The following TCF12 variants were observed in gnomAD, a reference collection of about 807,000 sequenced individuals.
The protein encoded by TCF12 is DNA-binding protein HTF4.
A neutral mutation model predicts 86.0 loss-of-function variants in TCF12; 45 were observed. The observed-to-expected ratio is 0.52, with a 90% CI of 0.41 to 0.67. TCF12 has a LOEUF of 0.67. TCF12 is among the 30% of genes least tolerant of loss of function. TCF12 has a pLI of 0.00. For missense variants in TCF12, 881 were observed against 859.9 expected, an observed-to-expected ratio of 1.02 and a Z score of -0.31; for synonymous variants, 330 against 299.6, an observed-to-expected ratio of 1.10 and a Z score of -1.05.
intron 4 of TCF12, among the ~76,000 whole-genome samples, chr15:57,086,153 A>G (rs1323917783): frequency 1.3e-5 from 2 of 151,166 alleles, no homozygotes; most frequent in Non-Finnish European, 1.5e-5. Flanking sequence ...AAAAGAAAAA[A>G]AATAGGGTCC....
chr15:57,193,489 A>G (rs1354686716), intron 7 of TCF12, among the ~76,000 whole-genome samples: 17 of 152,226 alleles, frequency 1.1e-4, no homozygotes, highest in African/African-American at 4.1e-4. Flanking sequence ...TGCTTACAGC[A>G]AGCCTTAGGT....
chr15:56,929,391 T>C (rs959355752), intron 3 of TCF12, among the ~76,000 whole-genome samples: 11 of 152,242 alleles, frequency 7.2e-5, no homozygotes, highest in African/African-American at 1.4e-4. Context: ...ATGACTGTTA[T>C]TTGAAACTTT....
intron 3 of TCF12, among the ~76,000 whole-genome samples, chr15:56,949,670 C>A (rs1044568841): frequency 2.0e-5 from 3 of 152,140 alleles, no homozygotes; most frequent in Non-Finnish European, 4.4e-5. Flanking sequence ...ATAATTTGTG[C>A]CAGGCTCTGT....
At chr15:56,988,461 G>A (rs1003740362) in intron 3 of TCF12, among the ~76,000 whole-genome samples, 66 of 152,168 alleles carry the variant, frequency 4.3e-4, no homozygotes, top group African/African-American at 1.6e-3. Context: ...TGTCATATAT[G>A]TAGTCTGTTG....
rs1411144456 is a variant in TCF12, at chr15:57,217,270, CTG to C, written c.580-13878_580-13877del. ...ACTGATTAGGTTTGTGCAAAAGTAA[CTG>C]TGTTTTTTTCCATTAAAGAAATTTG... On this transcript the variant is annotated intron_variant, in intron 8 of 20. Coordinates refer to ENST00000333725, the MANE Select transcript of TCF12 (RefSeq NM_207037.2). Among the ~76,000 whole-genome samples the C allele has an allele frequency of 1.1e-4, 17 of 152,028 alleles. No individual in the cohort carries two copies. In the East Asian group the frequency reaches 1.7e-3, roughly 16 times the overall value.
At chr15:57,059,491 T>C (rs1195607797) in intron 3 of TCF12, among the ~76,000 whole-genome samples, 1 of 152,102 alleles carries the variant, frequency 6.6e-6, no homozygotes, top group Non-Finnish European at 1.5e-5. Context: ...ATTTTCCCAT[T>C]TCCTGTCTTA....
chr15:57,170,672 T>TA (rs1470714991), intron 6 of TCF12, among the ~76,000 whole-genome samples: 8 of 8,560 alleles, frequency 9.3e-4, no homozygotes, highest in South Asian at 4.9e-3. Flanking sequence ...TATATATATA[T>TA]ATAATATATT....
chr15:57,218,335 G>T (rs1398016945), intron 8 of TCF12, among the ~76,000 whole-genome samples: 1 of 152,176 alleles, frequency 6.6e-6, no homozygotes, highest in East Asian at 1.9e-4. Flanking sequence ...CACAAAAAGG[G>T]AAAGTTGCTA....
At chr15:57,112,695 CTT>C (rs2050576115) in intron 5 of TCF12, among the ~76,000 whole-genome samples, 1 of 152,110 alleles carries the variant, frequency 6.6e-6, no homozygotes, top group South Asian at 2.1e-4. Flanking sequence ...TATAGTATCT[CTT>C]ATTTTATTGA....
intron 13 of TCF12, 126 bp from the exon 14 acceptor site, chr15:57,251,224 C>T: frequency 1.4e-6 from 1 of 732,392 alleles, no homozygotes; most frequent in South Asian, 1.9e-5. Flanking sequence ...CAATACTATG[C>T]TGAAGGCCAA....
At chr15:57,169,328 ATCAGATATATGAAAG>A (rs1474622739) in intron 6 of TCF12, among the ~76,000 whole-genome samples, 1 of 152,188 alleles carries the variant, frequency 6.6e-6, no homozygotes, top group African/African-American at 2.4e-5. Flanking sequence ...TTGTTTAATT[ATCAGATATATGAAAG>A]TGCTTTTCTC....
At chr15:56,930,807 T>C (rs2060211804) in intron 3 of TCF12, among the ~76,000 whole-genome samples, 1 of 152,120 alleles carries the variant, frequency 6.6e-6, no homozygotes, top group South Asian at 2.1e-4. Flanking sequence ...TCCAAAAAGA[T>C]CTCAACCACA....
chr15:56,935,288 C>T (rs934072960), intron 3 of TCF12, among the ~76,000 whole-genome samples: 7 of 152,030 alleles, frequency 4.6e-5, no homozygotes, highest in Non-Finnish European at 5.9e-5. Flanking sequence ...GTGGCTTACA[C>T]GACAGAAATT....
chr15:57,164,235 C>A (rs890548864), intron 5 of TCF12, among the ~76,000 whole-genome samples: 1 of 152,176 alleles, frequency 6.6e-6, no homozygotes, highest in Non-Finnish European at 1.5e-5. Flanking sequence ...CTGGCCCATA[C>A]TATTACTGAT....
chr15:57,000,157 A>C (rs1171014993), intron 3 of TCF12, among the ~76,000 whole-genome samples: 1 of 138,490 alleles, frequency 7.2e-6, no homozygotes, highest in Non-Finnish European at 1.5e-5. Context: ...TTTGTAATCT[A>C]CTTCATCTCT....
intron 4 of TCF12, among the ~76,000 whole-genome samples, chr15:57,087,428 T>TA (rs1567395456): frequency 3.4e-5 from 4 of 119,126 alleles, no homozygotes; most frequent in East Asian, 4.5e-4. Context: ...AAAAAAAAAA[T>TA]TTATATATAT....
intron 3 of TCF12, among the ~76,000 whole-genome samples, chr15:56,932,391 A>G (rs1166693212): frequency 1.3e-5 from 2 of 152,136 alleles, no homozygotes; most frequent in African/African-American, 4.8e-5. Flanking sequence ...ACTGATACCA[A>G]TCTACAAGAG....
At chr15:57,149,884 T>C (rs1487872121) in intron 5 of TCF12, among the ~76,000 whole-genome samples, 1 of 152,200 alleles carries the variant, frequency 6.6e-6, no homozygotes, top group East Asian at 1.9e-4. Flanking sequence ...GAGAAAGCTT[T>C]TTTATTTTTT....
At chr15:57,120,591 T>C (rs1444510271) in intron 5 of TCF12, among the ~76,000 whole-genome samples, 2 of 152,220 alleles carry the variant, frequency 1.3e-5, no homozygotes, top group African/African-American at 4.8e-5. Context: ...TCTTGAAGAA[T>C]AAAATTTTAT....
Sources: gnomAD v4.1 joint callset for allele counts (sites outside exome capture counted in the v4.1 genomes callset) on GRCh38, gnomAD v4.1.1 for gene constraint, MANE v1.5 for transcripts, NCBI Gene and HGNC (gene_info 2026-07-23, HGNC 2026-07-21) for gene names.